Variants in PACRG observed in about 807,000 individuals in gnomAD.
PACRG encodes parkin coregulated, also known as parkin coregulated gene protein.
A neutral mutation model predicts 29.7 loss-of-function variants in PACRG; 29 were observed. That is an observed-to-expected ratio of 0.98 (90% CI 0.73 to 1.33). The LOEUF (loss-of-function observed/expected upper bound fraction) is 1.33, where lower values mean the gene tolerates loss of function less well. Among genes scored for constraint, PACRG ranks in the 40% most tolerant of loss-of-function variants. The pLI is 0.00. For missense variants in PACRG, 279 were observed against 316.2 expected, an observed-to-expected ratio of 0.88 and a Z score of 0.89; for synonymous variants, 116 against 118.7, an observed-to-expected ratio of 0.98 and a Z score of 0.15.
chr6:163,204,423 G>C (rs779068170), intron 4 of PACRG, among the ~76,000 whole-genome samples: 2 of 152,018 alleles, frequency 1.3e-5, no homozygotes, highest in Non-Finnish European at 2.9e-5. Flanking sequence ...ATATTTTTCT[G>C]TGTGTTTTTA....
chr6:163,001,385 T>A (rs2128198631), intron 2 of PACRG, among the ~76,000 whole-genome samples: 1 of 152,254 alleles, frequency 6.6e-6, no homozygotes, highest in South Asian at 2.1e-4. Flanking sequence ...TATTTATGTA[T>A]CTCCCAGTCC....
intron 2 of PACRG, among the ~76,000 whole-genome samples, chr6:162,916,216 G>A (rs1392000278): frequency 6.6e-6 from 1 of 152,084 alleles, no homozygotes; most frequent in African/African-American, 2.4e-5. Context: ...CTATTCTACT[G>A]TCTTATGACC....
chr6:163,193,890 C>A (rs371394999), intron 4 of PACRG, among the ~76,000 whole-genome samples: 4 of 111,472 alleles, frequency 3.6e-5, no homozygotes, highest in Non-Finnish European at 5.8e-5. Flanking sequence ...CTTTTTGTTT[C>A]TTTTTTTTTT....
chr6:163,098,094 T>A (rs1358216219), intron 4 of PACRG, among the ~76,000 whole-genome samples: 4 of 152,110 alleles, frequency 2.6e-5, no homozygotes, highest in Non-Finnish European at 5.9e-5. Context: ...TTATATAGGG[T>A]TAAATGAAAC....
chr6:162,904,053 G>C (rs1409589167), intron 2 of PACRG, among the ~76,000 whole-genome samples: 1 of 152,172 alleles, frequency 6.6e-6, no homozygotes, highest in African/African-American at 2.4e-5. Context: ...CAGACTGATA[G>C]GCAGGAAACT....
intron 3 of PACRG, among the ~76,000 whole-genome samples, chr6:163,078,505 G>C (rs561041624): frequency 5.3e-5 from 8 of 151,822 alleles, no homozygotes; most frequent in East Asian, 1.9e-4. Context: ...AAAAAAAAAG[G>C]GGGGGAGGGG....
intron 2 of PACRG, among the ~76,000 whole-genome samples, chr6:163,050,161 G>A (rs190137651): frequency 2.1e-3 from 315 of 151,966 alleles, no homozygotes; most frequent in Non-Finnish European, 2.3e-3. Context: ...TTTTTCCTGG[G>A]ACCAGGAGGA....
intron 1 of PACRG, among the ~76,000 whole-genome samples, chr6:162,769,488 A>T (rs1053737232): frequency 2.6e-5 from 4 of 152,248 alleles, no homozygotes; most frequent in South Asian, 4.2e-4. Flanking sequence ...AGTCTTAGGC[A>T]TAGGGCTCAG....
intron 4 of PACRG, among the ~76,000 whole-genome samples, chr6:163,234,621 G>A (rs9458761): frequency 0.32 from 48,754 of 151,896 alleles, 7,933 homozygotes; most frequent in South Asian, 0.42. Context: ...AGGGACAGAC[G>A]GCTCCCAAAG....
chr6:162,933,624 T>TTTTC (rs1397731253), intron 2 of PACRG, among the ~76,000 whole-genome samples: 1 of 121,500 alleles, frequency 8.2e-6, no homozygotes, highest in African/African-American at 3.0e-5. Flanking sequence ...TTTTTTTTTT[T>TTTTC]ACTTAAAGTC....
intron 4 of PACRG, among the ~76,000 whole-genome samples, chr6:163,126,024 T>C (rs1247561573): frequency 2.6e-5 from 4 of 152,236 alleles, no homozygotes; most frequent in Non-Finnish European, 5.9e-5. Context: ...TGTCTACATT[T>C]ATCTGACAGA....
intron 4 of PACRG, among the ~76,000 whole-genome samples, chr6:163,210,003 G>A (rs561142203): frequency 6.6e-6 from 1 of 152,242 alleles, no homozygotes; most frequent in South Asian, 2.1e-4. Flanking sequence ...ACGCCTGTTG[G>A]GGGACCTCAG....
At chr6:163,003,491 A>T in intron 2 of PACRG, among the ~76,000 whole-genome samples, 1 of 152,262 alleles carries the variant, frequency 6.6e-6, no homozygotes. Flanking sequence ...CTGGGAAAGT[A>T]TAGACAGCAG....
At chr6:162,986,631 C>A (rs1344593166) in intron 2 of PACRG, among the ~76,000 whole-genome samples, 1 of 151,986 alleles carries the variant, frequency 6.6e-6, no homozygotes, top group Non-Finnish European at 1.5e-5. Flanking sequence ...TTGGAGAAAC[C>A]CTTCTAGATA....
intron 2 of PACRG, among the ~76,000 whole-genome samples, chr6:162,939,073 A>G (rs981125794): frequency 2.0e-5 from 3 of 152,192 alleles, no homozygotes; most frequent in Non-Finnish European, 2.9e-5. Context: ...CACATAGACC[A>G]ATGGAACAGA....
chr6:162,972,049 T>C (rs1188525181), intron 2 of PACRG, among the ~76,000 whole-genome samples: 1 of 152,192 alleles, frequency 6.6e-6, no homozygotes. Context: ...CGCATGAGGA[T>C]GGTCAGATGG....
At chr6:162,835,369 G>A (rs1282847283) in intron 2 of PACRG, among the ~76,000 whole-genome samples, 2 of 151,972 alleles carry the variant, frequency 1.3e-5, no homozygotes, top group Non-Finnish European at 2.9e-5. Flanking sequence ...AATATGATCT[G>A]GTCCTTCTCC....
At chr6:163,042,686 A>G (rs1808854386) in intron 2 of PACRG, 2 of 132,964 alleles carry the variant, frequency 1.5e-5, no homozygotes, top group African/African-American at 5.9e-5. Flanking sequence ...TTGATTGTGA[A>G]TACTGTGTTT....
intron 4 of PACRG, among the ~76,000 whole-genome samples, chr6:163,193,459 A>C (rs1384468202): frequency 1.3e-5 from 2 of 152,126 alleles, no homozygotes; most frequent in Admixed American, 1.3e-4. Flanking sequence ...TCTCTGATTA[A>C]GTGTGGAAAA....
Sources: gnomAD v4.1 joint callset for allele counts (sites outside exome capture counted in the v4.1 genomes callset) on GRCh38, gnomAD v4.1.1 for gene constraint, MANE v1.5 for transcripts, NCBI Gene and HGNC (gene_info 2026-07-23, HGNC 2026-07-21) for gene names.